Variants in ANO10 observed in about 807,000 individuals in gnomAD.
The protein encoded by ANO10 is anoctamin-10.
ANO10 carries 77 observed loss-of-function variants against 74.7 expected under a neutral mutation model. The ratio of observed to expected loss-of-function variants is 1.03; its 90% CI spans 0.86 to 1.25. The LOEUF (loss-of-function observed/expected upper bound fraction) is 1.25, where lower values mean the gene tolerates loss of function less well. Ranked by LOEUF, ANO10 falls within the 50% of genes most tolerant of loss-of-function variation. ANO10 has a pLI of 0.00. For missense variants in ANO10, 721 were observed against 778.1 expected, an observed-to-expected ratio of 0.93 and a Z score of 0.87; for synonymous variants, 279 against 284.9, an observed-to-expected ratio of 0.98 and a Z score of 0.21.
intron 11 of ANO10, among the ~76,000 whole-genome samples, chr3:43,535,169 T>C (rs1033425586): frequency 2.0e-5 from 3 of 152,150 alleles, no homozygotes; most frequent in African/African-American, 7.2e-5. Flanking sequence ...AGATAGGTTT[T>C]TGCCATGTTG....
chr3:43,605,597 C>T (rs189689805), intron 2 of ANO10, 117 bp downstream of exon 2: 17 of 1,380,516 alleles, frequency 1.2e-5, no homozygotes, highest in South Asian at 3.8e-5. Context: ...AATATATCAA[C>T]GAAAATTATA....
intron 10 of ANO10, among the ~76,000 whole-genome samples, chr3:43,552,718 ATATATATATATGTATGTATG>A (rs1488295380): frequency 2.3e-4 from 30 of 133,116 alleles, no homozygotes; most frequent in African/African-American, 7.5e-4. Context: ...ATATATATAT[ATATATATATATGTATGTATG>A]TATGTATGTA....
chr3:43,568,734 G>GA (rs1393915390), intron 7 of ANO10, among the ~76,000 whole-genome samples: 1 of 144,312 alleles, frequency 6.9e-6, no homozygotes, highest in African/African-American at 2.6e-5. Context: ...GAGAAAGCAG[G>GA]AAAGATCCAA....
intron 2 of ANO10, among the ~76,000 whole-genome samples, chr3:43,605,299 C>T (rs1451941866): frequency 1.3e-5 from 2 of 152,166 alleles, no homozygotes. Flanking sequence ...TTTCTTTCTA[C>T]CCTGATGGTA....
At position 43,428,072 on chromosome 3, in the gene ANO10, CAG is replaced by C. The variant is rs527390020; in HGVS notation, c.1914+4537_1914+4538del. 1.1e-4 allele frequency among the ~76,000 whole-genome samples: 17 copies of C among 150,736 alleles called. No homozygotes were observed. In the South Asian group the frequency reaches 2.7e-3, roughly 24 times the overall value. On this transcript the variant is annotated intron_variant, in intron 12 of 12. Coordinates refer to ENST00000292246, the MANE Select transcript of ANO10 (RefSeq NM_018075.5). ...ACCCTGAACCTTTTTTTTTTTGAGA[CAG>C]AGTCTCACTCTGTCACTCAGCCTGG... is the stretch of plus-strand genomic sequence containing the variant.
At chr3:43,681,701 T>A (rs987660652) in intron 1 of ANO10, among the ~76,000 whole-genome samples, 1 of 152,136 alleles carries the variant, frequency 6.6e-6, no homozygotes, top group African/African-American at 2.4e-5. Context: ...TCAGCAAATG[T>A]AAAAGAACAG....
At chr3:43,413,321 C>A (rs1012460818) in intron 12 of ANO10, among the ~76,000 whole-genome samples, 1 of 152,084 alleles carries the variant, frequency 6.6e-6, no homozygotes, top group Non-Finnish European at 1.5e-5. Flanking sequence ...CCACTCAAAT[C>A]TTATGTTGAA....
In ANO10 at chr3:43,366,828, G is replaced by A. The variant is rs1575574589; in HGVS notation, c.*78C>T. The A allele has an allele frequency of 6.9e-7, 1 of 1,444,056 alleles. No homozygotes were observed. Among genetic ancestry groups the A allele is most frequent in the Non-Finnish European group, 9.5e-7 (1 of 1,051,084 alleles). The allele number at this position is 1,444,056 out of a possible 1,614,324, so 89.5% of individuals were successfully genotyped here. A position where few individuals can be genotyped will look rare whatever the true frequency, so the allele number is the denominator to read the frequency against. On this transcript the variant is annotated 3_prime_UTR_variant, in exon 13 of 13. Transcript: ENST00000292246. ...GTTCAGGAGCCACGATGCTGCCCCG[G>A]GTACCCCCCCTGCCACCGTGGCAGG... is the stretch of plus-strand genomic sequence containing the variant.
rs950129155 is a variant in ANO10, at chr3:43,684,266, T to C, written c.-12+7251A>G. Among the ~76,000 whole-genome samples the C allele has an allele frequency of 5.3e-5, 8 of 151,950 alleles. No homozygotes were observed. The East Asian group carries it at 1.5e-3, about 29-fold the overall frequency. ...ACAAACAACCCCATCAAAAAGTGGG[T>C]GAAGGATATGGACAGACAATTCTCA... On this transcript the variant is annotated intron_variant, in intron 1 of 3. Coordinates refer to the ANO10 transcript ENST00000413397.
At chr3:43,688,180 G>C (rs1397237081) in intron 1 of ANO10, among the ~76,000 whole-genome samples, 1 of 151,646 alleles carries the variant, frequency 6.6e-6, no homozygotes, top group Non-Finnish European at 1.5e-5. Flanking sequence ...TTCTTTTTTT[G>C]TGACTGTGCA....
chr3:43,447,069 T>C (rs1243618278), intron 11 of ANO10, among the ~76,000 whole-genome samples: 3 of 152,326 alleles, frequency 2.0e-5, no homozygotes, highest in Non-Finnish European at 4.4e-5. Flanking sequence ...GATCTTTCCA[T>C]ATTAGTACCT....
intron 1 of ANO10, among the ~76,000 whole-genome samples, chr3:43,611,648 G>A (rs142738436): frequency 2.6e-5 from 4 of 152,170 alleles, no homozygotes; most frequent in Admixed American, 2.0e-4. Context: ...AAGGAAATGA[G>A]AGACATGTAC....
chr3:43,401,998 T>C (rs2092489869), intron 12 of ANO10, among the ~76,000 whole-genome samples: 1 of 152,174 alleles, frequency 6.6e-6, no homozygotes, highest in Admixed American at 6.5e-5. Flanking sequence ...AAGGAGGTGC[T>C]TTAGGCACAG....
chr3:43,381,522 A>C (rs2091958092), intron 12 of ANO10, among the ~76,000 whole-genome samples: 1 of 152,180 alleles, frequency 6.6e-6, no homozygotes, highest in Non-Finnish European at 1.5e-5. Flanking sequence ...AAATATCACA[A>C]TCTTAAATAT....
At chr3:43,486,748 A>T (rs1260860702) in intron 11 of ANO10, among the ~76,000 whole-genome samples, 1 of 151,976 alleles carries the variant, frequency 6.6e-6, no homozygotes, top group Non-Finnish European at 1.5e-5. Context: ...GTCGTCTGCA[A>T]ACAGGGACAA....
At chr3:43,511,611 T>C (rs533202371) in intron 11 of ANO10, among the ~76,000 whole-genome samples, 144 of 152,316 alleles carry the variant, frequency 9.5e-4, no homozygotes, top group Middle Eastern at 3.4e-3. Flanking sequence ...CTTCATTCCT[T>C]GTAGCTCCCA....
At chr3:43,644,786 T>G (rs1321554377) in intron 1 of ANO10, among the ~76,000 whole-genome samples, 1 of 152,208 alleles carries the variant, frequency 6.6e-6, no homozygotes, top group African/African-American at 2.4e-5. Flanking sequence ...GATAGGCCCT[T>G]CCTCCCACTT....
At chr3:43,398,113 AAAG>A (rs1386233238) in intron 12 of ANO10, among the ~76,000 whole-genome samples, 1 of 152,248 alleles carries the variant, frequency 6.6e-6, no homozygotes, top group Non-Finnish European at 1.5e-5. Context: ...TGGGAAATAA[AAAG>A]AAGAGGACTC....
chr3:43,428,266 T>A (rs1463118920), intron 12 of ANO10, among the ~76,000 whole-genome samples: 2 of 152,056 alleles, frequency 1.3e-5, no homozygotes, highest in African/African-American at 4.8e-5. Flanking sequence ...GCTGGGCTGG[T>A]CTCGAACTCC....
Sources: allele counts gnomAD v4.1 joint callset (sites outside exome capture counted in the v4.1 genomes callset), GRCh38; gene constraint gnomAD v4.1.1; transcripts MANE v1.5; gene names NCBI Gene and HGNC (gene_info 2026-07-23, HGNC 2026-07-21).